CRY2: variants seen among roughly 807,000 people sequenced by gnomAD.
The protein encoded by CRY2 is cryptochrome circadian regulator 2.
A neutral mutation model predicts 69.5 loss-of-function variants in CRY2; 31 were observed. The observed-to-expected ratio is 0.45, with a 90% CI of 0.34 to 0.60. The LOEUF (loss-of-function observed/expected upper bound fraction) is 0.60, where lower values mean the gene tolerates loss of function less well. Among genes scored for constraint, CRY2 ranks in the 20% least tolerant of loss-of-function variants. The probability of loss-of-function intolerance (pLI) is 0.02; values close to 1 mark genes in which losing one functional copy is unlikely to be tolerated. For synonymous variants in CRY2, 303 were observed against 312.2 expected, an observed-to-expected ratio of 0.97 and a Z score of 0.31; for missense variants, 606 against 797.8, an observed-to-expected ratio of 0.76 and a Z score of 2.90.
intron 3 of CRY2, among the ~76,000 whole-genome samples, chr11:45,860,638 C>T (rs1477700889): frequency 6.6e-6 from 1 of 152,122 alleles, no homozygotes; most frequent in Non-Finnish European, 1.5e-5. Flanking sequence ...ACTGAGGCAC[C>T]TGCTTCAGCT....
At chr11:45,874,572 A>G (rs1486168047) in intron 11 of CRY2, among the ~76,000 whole-genome samples, 1 of 152,236 alleles carries the variant, frequency 6.6e-6, no homozygotes, top group Non-Finnish European at 1.5e-5. Context: ...ATGGTTGTAT[A>G]CAAGACTGGC....
chr11:45,847,420 G>T, upstream of CRY2: 1 of 1,593,092 alleles, frequency 6.3e-7, no homozygotes, highest in Non-Finnish European at 8.5e-7. Context: ...TAGGTCACTG[G>T]GCGGGCTATG....
At chr11:45,867,990 G>A in intron 6 of CRY2, 1 of 524,594 alleles carries the variant, frequency 1.9e-6, no homozygotes, top group South Asian at 3.1e-5. Context: ...TAGAGCAGAA[G>A]GACAGGCAGA....
rs2086281706 is a variant in CRY2, at chr11:45,860,834, T to C, written c.468-14T>C. On this transcript the variant is annotated splice_polypyrimidine_tract_variant and intron_variant, in intron 3 of 11. Transcript: ENST00000616080. ...GCCATGTGGGTAACACTAGCTATGC[T>C]TTGGGCTCCCCAGGATCATTGAGCT... 1 of 1,613,162 alleles carries C rather than the reference T, an allele frequency of 6.2e-7. No individual in the cohort carries two copies. Among genetic ancestry groups the C allele is most frequent in the South Asian group, 1.1e-5 (1 of 91,072 alleles).
chr11:45,850,774 C>T (rs1411410211), intron 1 of CRY2, among the ~76,000 whole-genome samples: 1 of 152,116 alleles, frequency 6.6e-6, no homozygotes, highest in African/African-American at 2.4e-5. Flanking sequence ...GGCAAGGGAC[C>T]ATCTGCAAGG....
chr11:45,847,150 G>T (rs1000178855), upstream of CRY2: 2 of 1,537,558 alleles, frequency 1.3e-6, no homozygotes, highest in Admixed American at 3.9e-5. Flanking sequence ...TGAACAGGAC[G>T]TGGGTAAGAG....
intron 11 of CRY2, among the ~76,000 whole-genome samples, chr11:45,873,254 G>A (rs2086400686): frequency 6.6e-6 from 1 of 152,192 alleles, no homozygotes; most frequent in Non-Finnish European, 1.5e-5. Context: ...CCATGGAGCT[G>A]ATAGGTTCTT....
At chr11:45,871,856 T>C (rs2086386003) in intron 10 of CRY2, among the ~76,000 whole-genome samples, 1 of 152,168 alleles carries the variant, frequency 6.6e-6, no homozygotes. Context: ...CCCATGCCAT[T>C]TGGGGCCCAA....
intron 1 of CRY2, among the ~76,000 whole-genome samples, chr11:45,854,953 G>A (rs2086228033): frequency 6.6e-6 from 1 of 152,198 alleles, no homozygotes; most frequent in Non-Finnish European, 1.5e-5. Flanking sequence ...GGTTGCCTCT[G>A]GGGAGTGAGG....
rs539102909 is a variant in CRY2, at chr11:45,860,784, G to C, written c.468-64G>C. On this transcript the variant is annotated intron_variant, in intron 3 of 11. Coordinates refer to ENST00000616080, the MANE Select transcript of CRY2 (RefSeq NM_021117.5). ...CCTTCAGAGTCTGGGTTCTTTTTTGGGTGGGCAGGGACCCACATCACAGGG... is the reference window on the plus strand; with the variant it reads ...CCTTCAGAGTCTGGGTTCTTTTTTGCGTGGGCAGGGACCCACATCACAGGG... 6.0e-5 allele frequency: 93 copies of C among 1,547,574 alleles called. No homozygotes were observed. In the African/African-American group the frequency reaches 9.2e-4, roughly 15 times the overall value.
chr11:45,869,781 C>A lies in CRY2; in HGVS notation c.1158C>A (p.Arg386=), dbSNP rs376118152. 29 of 1,612,262 alleles carry A rather than the reference C, an allele frequency of 1.8e-5. No individual in the cohort carries two copies. In the African/African-American group the frequency reaches 1.9e-4, roughly 10 times the overall value. ...ARHAVACFLT[R]GDLWVSWESG... ...ATGCCGTGGCCTGCTTCCTGACCCG[C>A]GGGGACCTCTGGGTCAGCTGGGAGA... Residue 386 remains arginine (R), a synonymous_variant, in exon 7 of 12, where the codon CGC becomes CGA. Coordinates refer to ENST00000616080, the MANE Select transcript of CRY2 (RefSeq NM_021117.5).
At chr11:45,854,694 GTAAA>G (rs1032811612) in intron 1 of CRY2, among the ~76,000 whole-genome samples, 3 of 151,976 alleles carry the variant, frequency 2.0e-5, no homozygotes, top group Admixed American at 6.6e-5. Flanking sequence ...GTCTCAAAAA[GTAAA>G]TAAATAAATA....
At chr11:45,867,449 A>T in intron 5 of CRY2, 163 bp from the exon 6 acceptor site, 1 of 785,570 alleles carries the variant, frequency 1.3e-6, no homozygotes, top group Non-Finnish European at 2.0e-6. Flanking sequence ...GTTTGGTCTG[A>T]TGGTGGTTCC....
At chr11:45,855,894 A>G in intron 1 of CRY2, 88 bp from the exon 2 acceptor site, 1 of 1,171,246 alleles carries the variant, frequency 8.5e-7, no homozygotes, top group Admixed American at 1.7e-5. Context: ...TTGGGCATAA[A>G]CAGCGAACCA....
chr11:45,866,100 G>A (rs534533020), intron 5 of CRY2, among the ~76,000 whole-genome samples: 1 of 152,350 alleles, frequency 6.6e-6, no homozygotes, highest in East Asian at 1.9e-4. Flanking sequence ...GGCTAGGATT[G>A]TGCCTTGGGC....
Position 45,860,869 on chromosome 11 carries a change from G to A in CRY2, c.489G>A (p.Gln163=). The A allele has an allele frequency of 6.2e-7, 1 of 1,614,186 alleles. No individual in the cohort carries two copies. The highest frequency in any genetic ancestry group is 8.5e-7 in the Non-Finnish European group (1 of 1,180,030). Residue 163 remains glutamine (Q), a synonymous_variant, in exon 4 of 12, where the codon CAG becomes CAA. Transcript: ENST00000616080. ...CCAGGATCATTGAGCTGAATGGGCA[G>A]AAGCCACCCCTTACATACAAGCGCT... is the stretch of plus-strand genomic sequence containing the variant. The part of the protein sequence containing the change: ...DLDRIIELNG[Q]KPPLTYKRFQ...
At chr11:45,879,614 G>A (rs1056640069) in intron 11 of CRY2, among the ~76,000 whole-genome samples, 1 of 152,108 alleles carries the variant, frequency 6.6e-6, no homozygotes, top group Admixed American at 6.5e-5. Flanking sequence ...TTTTGGCTCT[G>A]CCACTTATGA....
intron 2 of CRY2, among the ~76,000 whole-genome samples, chr11:45,857,839 C>T (rs891397538): frequency 6.6e-6 from 1 of 152,220 alleles, no homozygotes; most frequent in African/African-American, 2.4e-5. Flanking sequence ...ATGTTTAATG[C>T]TGATATCCTC....
At chr11:45,859,030 C>A (rs190005730) in intron 3 of CRY2, among the ~76,000 whole-genome samples, 157 bp downstream of exon 3, 32 of 152,242 alleles carry the variant, frequency 2.1e-4, no homozygotes, top group African/African-American at 7.7e-4. Flanking sequence ...AGAGTCAGGA[C>A]CTGTAGAACA....
Sources: gnomAD v4.1 joint callset for allele counts (sites outside exome capture counted in the v4.1 genomes callset) on GRCh38, gnomAD v4.1.1 for gene constraint, MANE v1.5 for transcripts, NCBI Gene and HGNC (gene_info 2026-07-23, HGNC 2026-07-21) for gene names.